PPP2R5D: variants seen among roughly 807,000 people sequenced by gnomAD.
PPP2R5D encodes the protein protein phosphatase 2 regulatory subunit B'delta.
A neutral mutation model predicts 79.1 loss-of-function variants in PPP2R5D; 12 were observed. That is an observed-to-expected ratio of 0.15 (90% CI 0.10 to 0.25). The LOEUF is 0.25. Among genes scored for constraint, PPP2R5D ranks in the 10% least tolerant of loss-of-function variants. The pLI is 1.00. For missense variants in PPP2R5D, 419 were observed against 760.2 expected, an observed-to-expected ratio of 0.55 and a Z score of 5.28; for synonymous variants, 277 against 286.6, an observed-to-expected ratio of 0.97 and a Z score of 0.34.
chr6:42,991,944 G>T (rs1771292954), intron 2 of PPP2R5D, among the ~76,000 whole-genome samples: 1 of 152,166 alleles, frequency 6.6e-6, no homozygotes, highest in African/African-American at 2.4e-5. Flanking sequence ...ATGGCAGCAG[G>T]AATTATCCAT....
rs770014764 is a variant in PPP2R5D, at chr6:43,007,324, C to T, written c.633+18C>T. ...ATCTCCAGGTACCAGGGCAAGGGGG[C>T]AGATTGGCCGTGGCTGCAGGGAGTG... On this transcript the variant is annotated intron_variant, in intron 5 of 15. Transcript: ENST00000485511. This position sits in a 1 kb window ranked among gnomAD's most constrained non-coding sequence, Gnocchi z 4.5. 5 of 1,612,562 alleles carry T rather than the reference C, an allele frequency of 3.1e-6. No individual in the cohort carries two copies. Among genetic ancestry groups the T allele is most frequent in the Non-Finnish European group, 4.2e-6 (5 of 1,178,554 alleles).
At position 43,011,218 on chromosome 6, in the gene PPP2R5D, AC is replaced by A. The variant is rs1561853371; in HGVS notation, c.1743del (p.Ile582SerfsTer14). On this transcript the variant is annotated frameshift_variant, in exon 16 of 16. Transcript: ENST00000485511. LOFTEE classifies it high-confidence loss of function. Reference sequence around the variant, plus strand: ...GTCGGAGCTGCCCCAGGACGTGTACACCATCAAGGCACTGGAGGCGCACAAG... The same window carrying A: ...GTCGGAGCTGCCCCAGGACGTGTACACATCAAGGCACTGGAGGCGCACAAG... ...RKSELPQDVY[T>X]IKALEAHKRA... The A allele has an allele frequency of 6.2e-7, 1 of 1,614,014 alleles. No individual in the cohort carries two copies. The highest frequency in any genetic ancestry group is 1.3e-5 in the African/African-American group (1 of 74,898).
intron 1 of PPP2R5D, among the ~76,000 whole-genome samples, chr6:42,986,943 T>C (rs1202518985): frequency 1.3e-5 from 2 of 151,850 alleles, no homozygotes; most frequent in African/African-American, 4.9e-5. Context: ...TTTGGCCTTC[T>C]TCAATGGTTG....
chr6:43,003,760 G>A (rs1392793999), intron 2 of PPP2R5D, among the ~76,000 whole-genome samples: 3 of 151,702 alleles, frequency 2.0e-5, no homozygotes, highest in South Asian at 4.2e-4. Context: ...TTTTTGAGAC[G>A]GCGTCTCGCT....
chr6:43,001,558 G>T (rs1772207464), intron 2 of PPP2R5D, among the ~76,000 whole-genome samples: 1 of 152,092 alleles, frequency 6.6e-6, no homozygotes. Flanking sequence ...AATAGTAATA[G>T]TAGTGGTGGT....
Position 43,007,394 on chromosome 6 carries a change from G to A in PPP2R5D, c.634-20G>A, listed in dbSNP as rs1393714711. The A allele has an allele frequency of 2.5e-6, 4 of 1,607,202 alleles. No homozygotes were observed. The highest frequency in any genetic ancestry group is 3.4e-6 in the Non-Finnish European group (4 of 1,173,676). On this transcript the variant is annotated intron_variant, in intron 5 of 15. Transcript: ENST00000485511. This position sits in a 1 kb window ranked among gnomAD's most constrained non-coding sequence, Gnocchi z 4.5. The stretch of plus-strand genomic sequence containing the variant: ...AGTCCTTGGGAACATCCCCTCAGTG[G>A]CGTGCCTTTTCCCCTATAGCTCGTG...
chr6:43,010,427 G>A lies in PPP2R5D; in HGVS notation c.1380-41G>A, dbSNP rs1476406039. 6.4e-7 allele frequency: 1 copy of A among 1,570,566 alleles called. No homozygotes were observed. Among genetic ancestry groups the A allele is most frequent in the South Asian group, 1.1e-5 (1 of 90,252 alleles). ...AATTGGGTTCCTCACGCTAAGGGCA[G>A]GCTCTGGCCTCCTACACCTCATCTT... is the stretch of plus-strand genomic sequence containing the variant. On this transcript the variant is annotated intron_variant, in intron 12 of 15. Coordinates refer to ENST00000485511, the MANE Select transcript of PPP2R5D (RefSeq NM_006245.4). The surrounding 1 kb of genome is among the most constrained non-coding windows in gnomAD (Gnocchi z 4.7).
chr6:42,988,242 T>C (rs1771000840), intron 1 of PPP2R5D, among the ~76,000 whole-genome samples: 5 of 152,192 alleles, frequency 3.3e-5, no homozygotes, highest in Admixed American at 2.6e-4. Flanking sequence ...TGCTATTGAA[T>C]TGCACAATCT....
At position 43,008,991 on chromosome 6, in the gene PPP2R5D, G is replaced by A; in HGVS notation, c.1081-66G>A. 6.4e-7 allele frequency: 1 copy of A among 1,562,726 alleles called. No individual in the cohort carries two copies. Among genetic ancestry groups the A allele is most frequent in the Non-Finnish European group, 8.7e-7 (1 of 1,146,910 alleles). On this transcript the variant is annotated intron_variant, in intron 10 of 15. Transcript: ENST00000485511. This position sits in a 1 kb window ranked among gnomAD's most constrained non-coding sequence, Gnocchi z 4.2. ...CCAGGGTGGGGGAGAGAGCAGGTAG[G>A]AAAACTTCCTGGTGACCTAGGCAGG...
intron 2 of PPP2R5D, among the ~76,000 whole-genome samples, chr6:42,991,141 T>G (rs1432446907): frequency 6.6e-6 from 1 of 152,234 alleles, no homozygotes; most frequent in Non-Finnish European, 1.5e-5. Flanking sequence ...CTGCATTGCT[T>G]CTTTCCTACC....
Position 43,011,301 on chromosome 6 carries a change from ACCACAGGG to A in PPP2R5D, c.*22_*29del, listed in dbSNP as rs750321103. On this transcript the variant is annotated 3_prime_UTR_variant, in exon 16 of 16. Coordinates refer to ENST00000485511, the MANE Select transcript of PPP2R5D (RefSeq NM_006245.4). ...AGGCTCTCTGACCCCTCACGTTCCTACCACAGGGCCACAGCCCACACAGCCCTGGGACA... is the reference window on the plus strand; with the variant it reads ...AGGCTCTCTGACCCCTCACGTTCCTACCACAGCCCACACAGCCCTGGGACA... 1.2e-6 allele frequency: 2 copies of A among 1,613,224 alleles called. No homozygotes were observed. Among genetic ancestry groups the A allele is most frequent in the Non-Finnish European group, 1.7e-6 (2 of 1,179,924 alleles).
At chr6:42,992,066 C>T (rs2150254218) in intron 2 of PPP2R5D, among the ~76,000 whole-genome samples, 1 of 152,102 alleles carries the variant, frequency 6.6e-6, no homozygotes, top group Admixed American at 6.5e-5. Context: ...CTTCCCTTGC[C>T]CTTTTTCTTT....
rs1367048596 is a variant in PPP2R5D, at chr6:43,009,719, AT to A, written c.1379+272del. On this transcript the variant is annotated intron_variant, in intron 12 of 15. Transcript: ENST00000485511. The surrounding 1 kb of genome is among the most constrained non-coding windows in gnomAD (Gnocchi z 5.6). ...GTCCTATCACAGCTTTGGAGATGTA[AT>A]TCTATGCAGTGAGAAGCTGATGTGA... 3.9e-5 allele frequency among the ~76,000 whole-genome samples: 6 copies of A among 152,138 alleles called. No individual in the cohort carries two copies. Among genetic ancestry groups the A allele is most frequent in the Non-Finnish European group, 8.8e-5 (6 of 68,032 alleles).
At position 43,010,531 on chromosome 6, in the gene PPP2R5D, T is replaced by C; in HGVS notation, c.1443T>C (p.Phe481=). ...KLFMEMNQKL[F]DDCTQQYKAE... is the part of the protein sequence containing the mutation. ...TTATGGAAATGAATCAGAAGCTGTTTGATGACTGCACACAACAATACAAGG... is the reference window on the plus strand; with the variant it reads ...TTATGGAAATGAATCAGAAGCTGTTCGATGACTGCACACAACAATACAAGG... The change falls in exon 13 of 16, where the codon TTT becomes TTC. Residue 481 remains phenylalanine (F), a synonymous_variant. Coordinates refer to ENST00000485511, the MANE Select transcript of PPP2R5D (RefSeq NM_006245.4). The surrounding 1 kb of genome is among the most constrained non-coding windows in gnomAD (Gnocchi z 4.7). The C allele has an allele frequency of 6.2e-7, 1 of 1,614,186 alleles. No individual in the cohort carries two copies. Among genetic ancestry groups the C allele is most frequent in the Non-Finnish European group, 8.5e-7 (1 of 1,180,036 alleles).
rs893502733 is a variant in PPP2R5D at position 43,008,973 on chromosome 6, G to T, written c.1081-84G>T. ...TCACCCAAACTGTGCCCACCAGGGT[G>T]GGGGAGAGAGCAGGTAGGAAAACTT... On this transcript the variant is annotated intron_variant, in intron 10 of 15. Transcript: ENST00000485511. This position sits in a 1 kb window ranked among gnomAD's most constrained non-coding sequence, Gnocchi z 4.2. The T allele has an allele frequency of 3.7e-5, 56 of 1,493,552 alleles. No homozygotes were observed. Among genetic ancestry groups the T allele is most frequent in the African/African-American group, 5.5e-5 (4 of 72,184 alleles). 92.5% of individuals were successfully genotyped at this position (1,493,552 alleles called of 1,614,324 possible). A position where few individuals can be genotyped will look rare whatever the true frequency, so the allele number is the denominator to read the frequency against.
intron 1 of PPP2R5D, among the ~76,000 whole-genome samples, chr6:42,989,288 G>A (rs570345680): frequency 6.6e-6 from 1 of 152,224 alleles, no homozygotes; most frequent in South Asian, 2.1e-4. Flanking sequence ...TTTTCTTTAA[G>A]CCTCCTCACC....
In PPP2R5D at chr6:43,006,855, C is replaced by T. The variant is rs1000591118; in HGVS notation, c.323-56C>T. The T allele has an allele frequency of 1.3e-6, 2 of 1,598,018 alleles. No individual in the cohort carries two copies. The highest frequency in any genetic ancestry group is 8.6e-7 in the Non-Finnish European group (1 of 1,167,622). On this transcript the variant is annotated intron_variant, in intron 3 of 15. Coordinates refer to ENST00000485511, the MANE Select transcript of PPP2R5D (RefSeq NM_006245.4). The surrounding 1 kb of genome is among the most constrained non-coding windows in gnomAD (Gnocchi z 4.7). ...GTAAGGGAAAGCCCTTGAAGGCAAG[C>T]AGGGCATCGCAGTGAAGGACTACAG...
At chr6:43,002,146 C>T (rs569545111) in intron 2 of PPP2R5D, among the ~76,000 whole-genome samples, 1 of 151,312 alleles carries the variant, frequency 6.6e-6, no homozygotes, top group South Asian at 2.1e-4. Flanking sequence ...CCAAGCTCCA[C>T]AGATAAGGGT....
chr6:42,984,821 A>G, intron 1 of PPP2R5D, 117 bp downstream of exon 1: 9 of 1,461,866 alleles, frequency 6.2e-6, no homozygotes, highest in Non-Finnish European at 7.3e-6. Context: ...CCCCCGCAGG[A>G]CTCCTGGGGC....
Sources: gnomAD v4.1 joint callset for allele counts (sites outside exome capture counted in the v4.1 genomes callset) on GRCh38, gnomAD v4.1.1 for gene constraint, Gnocchi (gnomAD v3.1) non-coding constraint, MANE v1.5 for transcripts, NCBI Gene and HGNC (gene_info 2026-07-23, HGNC 2026-07-21) for gene names.